BBS9: variants seen among roughly 807,000 people sequenced by gnomAD.
BBS9 encodes the protein Bardet-Biedl syndrome 9, also known as protein PTHB1.
A neutral mutation model predicts 117.7 loss-of-function variants in BBS9; 89 were observed. That is an observed-to-expected ratio of 0.76 (90% confidence interval 0.64 to 0.90). The LOEUF (loss-of-function observed/expected upper bound fraction) is 0.90, where lower values mean the gene tolerates loss of function less well. Ranked by LOEUF, BBS9 falls within the 40% of genes least tolerant of loss-of-function variation. BBS9 has a pLI of 0.00. For synonymous variants in BBS9, 379 were observed against 370.9 expected (o/e 1.02, Z -0.25); for missense variants, 982 against 1,042.2 (o/e 0.94, Z 0.80).
rs865841827 is a variant in BBS9 at position 33,597,077 on chromosome 7, A to T, written c.2522-7788A>T. ...CTCTCTCTCTCTCTCTGTCACACAC[A>T]CACACACACACACACACACACACAC... On this transcript the variant is annotated intron_variant, in intron 21 of 22. Transcript: ENST00000242067. 3.9e-5 allele frequency among the ~76,000 whole-genome samples: 5 copies of T among 129,368 alleles called. No homozygotes were observed. In the East Asian group the frequency reaches 8.4e-4, roughly 22 times the overall value. 84.9% of individuals were successfully genotyped at this position (129,368 alleles called of 152,430 possible). A position where few individuals can be genotyped will look rare whatever the true frequency, so the allele number is the denominator to read the frequency against.
intron 21 of BBS9, among the ~76,000 whole-genome samples, chr7:33,546,644 C>A (rs1853418270): frequency 6.6e-6 from 1 of 152,180 alleles, no homozygotes; most frequent in African/African-American, 2.4e-5. Context: ...TCATTATTCT[C>A]CACACACAAC....
At chr7:33,521,540 T>A (rs1848594366) in intron 20 of BBS9, among the ~76,000 whole-genome samples, 1 of 152,208 alleles carries the variant, frequency 6.6e-6, no homozygotes, top group African/African-American at 2.4e-5. Flanking sequence ...GGAATGGTAC[T>A]GGGGAATGAG....
chr7:33,634,709 C>T (rs879453554), intron 21 of BBS9, among the ~76,000 whole-genome samples: 3 of 152,174 alleles, frequency 2.0e-5, no homozygotes, highest in Admixed American at 2.0e-4. Context: ...TGCTGGGGAG[C>T]CCCTGAGCTG....
rs879573862 is a variant in BBS9, at chr7:33,526,936, TC to T, written c.2299-7016del. On this transcript the variant is annotated intron_variant, in intron 20 of 22. Coordinates refer to ENST00000242067, the MANE Select transcript of BBS9 (RefSeq NM_198428.3). ...TACAGATGGGTTTTTGGTGTGGATG[TC>T]CTTTCTGTTTGTTAGTTTTCCTTCT... Among the ~76,000 whole-genome samples, 131 of 148,610 alleles carry T rather than the reference TC, an allele frequency of 8.8e-4. 2 individuals are homozygous for T. Among genetic ancestry groups the T allele is most frequent in the South Asian group, 8.1e-3 (36 of 4,436 alleles).
chr7:33,559,271 C>T (rs935213989), intron 21 of BBS9, among the ~76,000 whole-genome samples: 4 of 152,034 alleles, frequency 2.6e-5, no homozygotes, highest in Admixed American at 6.5e-5. Flanking sequence ...GCTCAGAAAC[C>T]GCAGGGTATT....
intron 13 of BBS9, 150 bp downstream of exon 13, chr7:33,349,320 C>G (rs777250957): frequency 5.2e-5 from 36 of 687,876 alleles, no homozygotes; most frequent in Non-Finnish European, 3.2e-5. Flanking sequence ...TTATATTTTC[C>G]CTCTTAGCAT....
chr7:33,301,399 C>G (rs1584195922), intron 9 of BBS9, among the ~76,000 whole-genome samples: 1 of 151,808 alleles, frequency 6.6e-6, no homozygotes, highest in African/African-American at 2.4e-5. Context: ...TATGGTTAAC[C>G]ATCCCCATTT....
At chr7:33,364,846 A>G (rs936353078) in intron 16 of BBS9, among the ~76,000 whole-genome samples, 9 of 150,856 alleles carry the variant, frequency 6.0e-5, no homozygotes, top group African/African-American at 2.2e-4. Context: ...CTCCGACCTC[A>G]GCCTCCCAAG....
chr7:33,294,350 T>C (rs1180041346), intron 9 of BBS9, among the ~76,000 whole-genome samples: 167 of 129,438 alleles, frequency 1.3e-3, no homozygotes, highest in African/African-American at 3.8e-3. Flanking sequence ...TCTATCTATC[T>C]ATCTCTTTGT....
intron 4 of BBS9, among the ~76,000 whole-genome samples, chr7:33,159,448 T>G (rs1794530127): frequency 6.6e-6 from 1 of 152,198 alleles, no homozygotes; most frequent in Admixed American, 6.5e-5. Flanking sequence ...GCTTTGTGTT[T>G]CCTTAAGATC....
At chr7:33,553,214 A>G (rs948446743) in intron 21 of BBS9, among the ~76,000 whole-genome samples, 20 of 152,268 alleles carry the variant, frequency 1.3e-4, no homozygotes, top group African/African-American at 2.2e-4. Context: ...TTTTCTTTAT[A>G]GCTGAAGCAT....
chr7:33,214,725 T>C (rs1288607500), intron 5 of BBS9, among the ~76,000 whole-genome samples: 1 of 152,206 alleles, frequency 6.6e-6, no homozygotes, highest in Non-Finnish European at 1.5e-5. Flanking sequence ...CAGAAAGATA[T>C]TCCATGCTTA....
chr7:33,241,318 A>G (rs1255735734), intron 5 of BBS9, among the ~76,000 whole-genome samples: 1 of 152,194 alleles, frequency 6.6e-6, no homozygotes, highest in Non-Finnish European at 1.5e-5. Flanking sequence ...GATAGAAAGA[A>G]GTTAGGTTTC....
rs534279451 is a variant in BBS9, at chr7:33,576,068, A to G, written c.2522-28797A>G. The stretch of plus-strand genomic sequence containing the variant: ...AAGTTCTGGCCAGGGCAACCAGACA[A>G]GAGAAAGAAATAAAGGGTATTCAAT... On this transcript the variant is annotated intron_variant, in intron 21 of 22. Coordinates refer to ENST00000242067, the MANE Select transcript of BBS9 (RefSeq NM_198428.3). Among the ~76,000 whole-genome samples, 625 of 152,228 alleles carry G rather than the reference A, an allele frequency of 4.1e-3. 6 individuals are homozygous for G. Among genetic ancestry groups the G allele is most frequent in the African/African-American group, 0.014 (591 of 41,556 alleles).
At chr7:33,216,837 T>G (rs1268940043) in intron 5 of BBS9, among the ~76,000 whole-genome samples, 1 of 152,214 alleles carries the variant, frequency 6.6e-6, no homozygotes, top group African/African-American at 2.4e-5. Context: ...GGCTCATGCT[T>G]GTAATCCCAA....
At chr7:33,228,709 A>G (rs934907410) in intron 5 of BBS9, among the ~76,000 whole-genome samples, 1 of 152,326 alleles carries the variant, frequency 6.6e-6, no homozygotes, top group Non-Finnish European at 1.5e-5. Context: ...TAAGAAAATC[A>G]TAAGGAAGGG....
chr7:33,297,701 T>C (rs894939334), intron 9 of BBS9, among the ~76,000 whole-genome samples: 1 of 152,162 alleles, frequency 6.6e-6, no homozygotes, highest in African/African-American at 2.4e-5. Context: ...TTATATTTTA[T>C]GTAGGAACAG....
chr7:33,197,661 G>T (rs939899439), intron 5 of BBS9, among the ~76,000 whole-genome samples: 5 of 151,658 alleles, frequency 3.3e-5, no homozygotes, highest in African/African-American at 1.2e-4. Flanking sequence ...ATTTAAGGAG[G>T]TTTTTTTGAT....
intron 19 of BBS9, among the ~76,000 whole-genome samples, chr7:33,449,181 G>A (rs73689625): frequency 0.012 from 1,812 of 152,170 alleles, 38 homozygotes; most frequent in African/African-American, 0.042. Flanking sequence ...TGTGGAATTC[G>A]TTTTTTTGCT....
Sources: gnomAD v4.1 joint callset for allele counts (sites outside exome capture counted in the v4.1 genomes callset) on GRCh38, gnomAD v4.1.1 for gene constraint, MANE v1.5 for transcripts, NCBI Gene and HGNC (gene_info 2026-07-23, HGNC 2026-07-21) for gene names.